The following FSTL5 variants were observed in gnomAD, a reference collection of about 807,000 sequenced individuals.
FSTL5 encodes follistatin like 5.
FSTL5 carries 62 observed loss-of-function variants against 89.1 expected under a neutral mutation model. The ratio of observed to expected loss-of-function variants is 0.70; its 90% CI spans 0.57 to 0.86. FSTL5 has a LOEUF of 0.86. Ranked by LOEUF, FSTL5 falls within the 40% of genes least tolerant of loss-of-function variation. The pLI, the probability that FSTL5 is intolerant of heterozygous loss-of-function variation, is 0.00. For synonymous variants in FSTL5, 383 were observed against 346.2 expected (o/e 1.11, Z -1.18); for missense variants, 1,057 against 1,001.6 (o/e 1.06, Z -0.75).
intron 15 of FSTL5, among the ~76,000 whole-genome samples, chr4:161,424,933 C>T (rs1268922965): frequency 6.6e-6 from 1 of 152,210 alleles, no homozygotes; most frequent in Non-Finnish European, 1.5e-5. Context: ...TGAATGTTAA[C>T]CAATTGGCTT....
At chr4:161,580,639 G>A (rs932696356) in intron 8 of FSTL5, among the ~76,000 whole-genome samples, 3 of 152,112 alleles carry the variant, frequency 2.0e-5, no homozygotes, top group Non-Finnish European at 2.9e-5. Flanking sequence ...GAGTGAGTGG[G>A]TAGCTGTGCT....
intron 2 of FSTL5, among the ~76,000 whole-genome samples, chr4:162,040,633 T>C (rs1665293213): frequency 1.3e-5 from 2 of 152,084 alleles, no homozygotes; most frequent in African/African-American, 4.8e-5. Flanking sequence ...CTTGGAGTCA[T>C]ACATATATTA....
intron 2 of FSTL5, among the ~76,000 whole-genome samples, chr4:162,065,170 GA>G (rs1229428711): frequency 6.6e-6 from 1 of 151,820 alleles, no homozygotes; most frequent in Non-Finnish European, 1.5e-5. Flanking sequence ...CAAAAGCTTA[GA>G]AAAAATCTCT....
intron 15 of FSTL5, among the ~76,000 whole-genome samples, chr4:161,400,540 T>A (rs1395556154): frequency 2.6e-5 from 4 of 152,028 alleles, no homozygotes; most frequent in African/African-American, 9.7e-5. Context: ...AATACTAGGA[T>A]ATGTTTAGAT....
At chr4:162,102,935 G>A (rs1358806852) in intron 2 of FSTL5, among the ~76,000 whole-genome samples, 1 of 151,516 alleles carries the variant, frequency 6.6e-6, no homozygotes, top group Non-Finnish European at 1.5e-5. Context: ...GTTCAAACTT[G>A]CCAAGGAAAG....
chr4:161,630,114 T>C (rs539251820), intron 7 of FSTL5, among the ~76,000 whole-genome samples: 1 of 152,268 alleles, frequency 6.6e-6, no homozygotes, highest in South Asian at 2.1e-4. Flanking sequence ...CCTTACTCCT[T>C]CTTCCCCTCC....
chr4:161,761,858 A>G (rs908973129), intron 5 of FSTL5, among the ~76,000 whole-genome samples: 1 of 152,172 alleles, frequency 6.6e-6, no homozygotes, highest in African/African-American at 2.4e-5. Context: ...AATATTTCAA[A>G]TATTTGCTCT....
At chr4:162,013,414 C>T (rs1217085094) in intron 3 of FSTL5, among the ~76,000 whole-genome samples, 1 of 152,020 alleles carries the variant, frequency 6.6e-6, no homozygotes, top group East Asian at 1.9e-4. Context: ...CTTTCTGTTT[C>T]CTTACAGAAA....
chr4:161,840,042 G>T (rs1731164430), intron 4 of FSTL5, among the ~76,000 whole-genome samples: 1 of 152,278 alleles, frequency 6.6e-6, no homozygotes, highest in East Asian at 1.9e-4. Flanking sequence ...TGTTACAAAA[G>T]CCAGGAGATT....
chr4:162,081,175 G>A (rs528673501), intron 2 of FSTL5, among the ~76,000 whole-genome samples: 5 of 151,338 alleles, frequency 3.3e-5, no homozygotes, highest in South Asian at 2.1e-4. Context: ...CCAATCTCTC[G>A]AATACTAGCA....
At position 162,085,654 on chromosome 4, in the gene FSTL5, T is replaced by C. The variant is rs1730288738; in HGVS notation, c.126+25617A>G. On this transcript the variant is annotated intron_variant, in intron 2 of 15. Transcript: ENST00000306100. ...TCACCAGTTTCATTAACAAGAAATG[T>C]TATTGAGAGGGATGTGAAAAATAAA... Among the ~76,000 whole-genome samples the C allele has an allele frequency of 2.0e-5, 3 of 152,026 alleles. No individual in the cohort carries two copies. In the South Asian group the frequency reaches 6.2e-4, roughly 32 times the overall value.
chr4:162,127,149 A>G (rs1276130711), intron 1 of FSTL5, among the ~76,000 whole-genome samples: 3 of 152,136 alleles, frequency 2.0e-5, no homozygotes, highest in African/African-American at 7.2e-5. Context: ...TGTAATAGAA[A>G]GTTGTCTTCC....
At chr4:161,390,883 C>G (rs755009274) in intron 15 of FSTL5, among the ~76,000 whole-genome samples, 2 of 152,134 alleles carry the variant, frequency 1.3e-5, no homozygotes, top group African/African-American at 2.4e-5. Flanking sequence ...TGTTTACCCA[C>G]TGAGGCTCAA....
intron 4 of FSTL5, among the ~76,000 whole-genome samples, chr4:161,889,720 C>G (rs1329814232): frequency 6.6e-6 from 1 of 152,150 alleles, no homozygotes; most frequent in Admixed American, 6.6e-5. Context: ...AAATAAACTG[C>G]CTCCTCTCCA....
rs139133784 is a variant in FSTL5 at position 161,732,164 on chromosome 4, T to A, written c.727+27247A>T. On this transcript the variant is annotated intron_variant, in intron 6 of 15. Transcript: ENST00000306100. The stretch of plus-strand genomic sequence containing the variant: ...GCATAATAATTTCAGTTGCTTCATA[T>A]CTTTGCCAACAAAAGGTATAGCCAA... Among the ~76,000 whole-genome samples the A allele has an allele frequency of 6.4e-3, 970 of 152,264 alleles. 7 individuals carry two copies. The highest frequency in any genetic ancestry group is 0.022 in the African/African-American group (932 of 41,554).
intron 4 of FSTL5, among the ~76,000 whole-genome samples, chr4:161,913,587 T>C (rs1307672476): frequency 6.6e-6 from 1 of 152,046 alleles, no homozygotes; most frequent in African/African-American, 2.4e-5. Context: ...ACCATGCACC[T>C]GGAAAAGCCA....
intron 4 of FSTL5, among the ~76,000 whole-genome samples, chr4:161,848,994 G>T (rs189955065): frequency 6.6e-6 from 1 of 152,196 alleles, no homozygotes; most frequent in African/African-American, 2.4e-5. Flanking sequence ...TGGCTCCCTT[G>T]GGGAAGGAAT....
intron 15 of FSTL5, among the ~76,000 whole-genome samples, chr4:161,389,179 G>A (rs1730741217): frequency 1.3e-5 from 2 of 152,006 alleles, no homozygotes; most frequent in East Asian, 1.9e-4. Context: ...ATATTTACGA[G>A]GCTCTCAACT....
chr4:161,664,622 TC>T (rs1736822975), intron 6 of FSTL5, among the ~76,000 whole-genome samples: 1 of 152,162 alleles, frequency 6.6e-6, no homozygotes, highest in African/African-American at 2.4e-5. Flanking sequence ...CTCACATTTT[TC>T]TGTCTTTGTC....
Sources: gnomAD v4.1 joint callset for allele counts (sites outside exome capture counted in the v4.1 genomes callset) on GRCh38, gnomAD v4.1.1 for gene constraint, MANE v1.5 for transcripts, NCBI Gene and HGNC (gene_info 2026-07-23, HGNC 2026-07-21) for gene names.